Variants in EXOC4 observed in about 807,000 individuals in gnomAD.
EXOC4 encodes the protein SEC8-like 1.
A neutral mutation model predicts 107.2 loss-of-function variants in EXOC4; 71 were observed. The observed-to-expected ratio is 0.66, with a 90% CI of 0.55 to 0.81. The LOEUF is 0.81. EXOC4 is among the 30% of genes least tolerant of loss of function. The pLI, the probability that EXOC4 is intolerant of heterozygous loss-of-function variation, is 0.00. For synonymous variants in EXOC4, 456 were observed against 441.2 expected, an observed-to-expected ratio of 1.03 and a Z score of -0.42; for missense variants, 1,108 against 1,189.6, an observed-to-expected ratio of 0.93 and a Z score of 1.01.
chr7:134,038,387 T>C (rs1031512663), intron 17 of EXOC4, among the ~76,000 whole-genome samples: 1 of 152,242 alleles, frequency 6.6e-6, no homozygotes, highest in Non-Finnish European at 1.5e-5. Flanking sequence ...GCTGTATTGA[T>C]ACTCTAGGCA....
intron 10 of EXOC4, among the ~76,000 whole-genome samples, chr7:133,729,187 A>T (rs1168549194): frequency 2.0e-5 from 3 of 152,324 alleles, no homozygotes; most frequent in African/African-American, 7.2e-5. Flanking sequence ...AAAAAGAACA[A>T]ATACAAAAAT....
At chr7:133,614,740 AT>A (rs1264623774) in intron 9 of EXOC4, among the ~76,000 whole-genome samples, 1 of 139,644 alleles carries the variant, frequency 7.2e-6, no homozygotes, top group Non-Finnish European at 1.5e-5. Context: ...GCTTTTGAGG[AT>A]TTACAAGAGA....
intron 9 of EXOC4, among the ~76,000 whole-genome samples, chr7:133,514,168 T>G (rs765911372): frequency 6.6e-6 from 1 of 152,016 alleles, no homozygotes; most frequent in Non-Finnish European, 1.5e-5. Flanking sequence ...GTTTTTTGTT[T>G]TTTTTTTTCT....
In EXOC4 at chr7:133,688,250, T is replaced by C. The variant is rs528864204; in HGVS notation, c.1514+58109T>C. ...GTGGGTTGAAATGTTGCTCTCTGTG[T>C]AGGCACACAGTGCATGGAATAGGCA... On this transcript the variant is annotated intron_variant, in intron 10 of 17. Transcript: ENST00000253861. 1.4e-4 allele frequency among the ~76,000 whole-genome samples: 22 copies of C among 152,312 alleles called. No homozygotes were observed. In the South Asian group the frequency reaches 3.5e-3, roughly 24 times the overall value.
intron 1 of EXOC4, among the ~76,000 whole-genome samples, chr7:133,256,720 A>G (rs192797038): frequency 2.3e-3 from 347 of 152,284 alleles, no homozygotes; most frequent in Middle Eastern, 0.014. Context: ...TATTTTTTCA[A>G]TGCTTTTCCT....
chr7:133,971,491 A>G (rs561193342), intron 14 of EXOC4, among the ~76,000 whole-genome samples: 6 of 151,166 alleles, frequency 4.0e-5, no homozygotes, highest in East Asian at 1.9e-4. Flanking sequence ...ATATACATAA[A>G]TATATTTTTT....
chr7:133,796,994 A>T (rs1269036305), intron 10 of EXOC4, among the ~76,000 whole-genome samples: 1 of 152,188 alleles, frequency 6.6e-6, no homozygotes, highest in Non-Finnish European at 1.5e-5. Context: ...ATCTGATTGG[A>T]AAAAAGCAGC....
At chr7:133,826,950 C>T (rs902415512) in intron 11 of EXOC4, among the ~76,000 whole-genome samples, 6 of 152,192 alleles carry the variant, frequency 3.9e-5, no homozygotes, top group African/African-American at 1.4e-4. Context: ...TTTGATTCCT[C>T]TTCAGCCTTC....
chr7:133,521,795 A>G (rs778754347), intron 9 of EXOC4, among the ~76,000 whole-genome samples: 1 of 151,680 alleles, frequency 6.6e-6, no homozygotes, highest in Admixed American at 6.6e-5. Flanking sequence ...AATTTTTTGT[A>G]TTTTTAGTAG....
intron 10 of EXOC4, among the ~76,000 whole-genome samples, chr7:133,676,362 A>G (rs1794057462): frequency 6.6e-6 from 1 of 152,198 alleles, no homozygotes; most frequent in Non-Finnish European, 1.5e-5. Flanking sequence ...AACTGCTGGA[A>G]TGGGACCGAG....
chr7:133,760,465 A>G (rs1164759405), intron 10 of EXOC4, among the ~76,000 whole-genome samples: 1 of 152,112 alleles, frequency 6.6e-6, no homozygotes, highest in Non-Finnish European at 1.5e-5. Flanking sequence ...CACTGGCTAT[A>G]AAATCAACTT....
Position 133,376,705 on chromosome 7 carries a change from G to A in EXOC4, c.1182+1703G>A, listed in dbSNP as rs181301395. Among the ~76,000 whole-genome samples the A allele has an allele frequency of 2.0e-3, 309 of 152,340 alleles. 1 individual carries two copies. The highest frequency in any genetic ancestry group is 6.8e-3 in the African/African-American group (281 of 41,584). On this transcript the variant is annotated intron_variant, in intron 7 of 17. Coordinates refer to ENST00000253861, the MANE Select transcript of EXOC4 (RefSeq NM_021807.4). ...TTCAGAAGTTGGAAACTTCTCAGCA[G>A]TGTTGGAGCTCAGACCAGCCAGTGT...
chr7:133,616,082 G>A (rs1204931692), intron 9 of EXOC4, among the ~76,000 whole-genome samples: 1 of 152,012 alleles, frequency 6.6e-6, no homozygotes, highest in Non-Finnish European at 1.5e-5. Context: ...ATTAATATTG[G>A]CCTATTTTGT....
intron 10 of EXOC4, among the ~76,000 whole-genome samples, chr7:133,775,270 A>T (rs539109263): frequency 6.6e-6 from 1 of 152,334 alleles, no homozygotes; most frequent in South Asian, 2.1e-4. Flanking sequence ...ATCAACATGC[A>T]TGAAATGCAC....
intron 13 of EXOC4, among the ~76,000 whole-genome samples, chr7:133,918,092 C>T (rs1799851442): frequency 6.6e-6 from 1 of 151,804 alleles, no homozygotes. Flanking sequence ...ACGCCATTCT[C>T]CTGCCTCAGC....
Position 133,959,461 on chromosome 7 carries a change from AAAG to A in EXOC4, c.2206+21395_2206+21397del, listed in dbSNP as rs1800891466. Among the ~76,000 whole-genome samples, 3 of 151,940 alleles carry A rather than the reference AAAG, an allele frequency of 2.0e-5. No individual in the cohort carries two copies. In the South Asian group the frequency reaches 6.2e-4, roughly 31 times the overall value. ...CATGAAGGTGGAAAAAAAAGACAAAAAAGAAAAAGGACCCTAGGAAGCAGCAGG... is the reference window on the plus strand; with the variant it reads ...CATGAAGGTGGAAAAAAAAGACAAAAAAAAAGGACCCTAGGAAGCAGCAGG... On this transcript the variant is annotated intron_variant, in intron 14 of 17. Transcript: ENST00000253861.
intron 6 of EXOC4, among the ~76,000 whole-genome samples, chr7:133,362,678 T>C (rs1796160944): frequency 6.6e-6 from 1 of 152,206 alleles, no homozygotes; most frequent in Non-Finnish European, 1.5e-5. Context: ...TGAGGAAGAC[T>C]AAAGGCTCAG....
At chr7:133,988,779 G>A (rs535388565) in intron 14 of EXOC4, among the ~76,000 whole-genome samples, 3 of 152,288 alleles carry the variant, frequency 2.0e-5, no homozygotes, top group African/African-American at 7.2e-5. Context: ...AAACGGCCCA[G>A]GGTTGGAGAG....
rs76170958 is a variant in EXOC4, at chr7:133,971,961, G to T, written c.2207-25531G>T. ...ACTTCTTTGAAATGAGGAATCCAGG[G>T]GTCTCAAGGAAGCTATGAAGTTATT... On this transcript the variant is annotated intron_variant, in intron 14 of 17. Coordinates refer to ENST00000253861, the MANE Select transcript of EXOC4 (RefSeq NM_021807.4). 1.0e-3 allele frequency among the ~76,000 whole-genome samples: 155 copies of T among 152,134 alleles called. 2 individuals are homozygous for T. In the East Asian group the frequency reaches 0.029, roughly 28 times the overall value.
Sources: gnomAD v4.1 joint callset for allele counts (sites outside exome capture counted in the v4.1 genomes callset) on GRCh38, gnomAD v4.1.1 for gene constraint, MANE v1.5 for transcripts, NCBI Gene and HGNC (gene_info 2026-07-23, HGNC 2026-07-21) for gene names.